DEPTOR: variants seen among roughly 807,000 people sequenced by gnomAD.
The protein encoded by DEPTOR is DEP domain-containing mTOR-interacting protein.
DEPTOR carries 41 observed loss-of-function variants against 41.6 expected under a neutral mutation model. The ratio of observed to expected loss-of-function variants is 0.98; its 90% CI spans 0.77 to 1.28. The LOEUF (loss-of-function observed/expected upper bound fraction) is 1.28, where lower values mean the gene tolerates loss of function less well. Ranked by LOEUF, DEPTOR falls within the 50% of genes most tolerant of loss-of-function variation. The pLI is 0.00. For synonymous variants in DEPTOR, 195 were observed against 192.3 expected, an observed-to-expected ratio of 1.01 and a Z score of -0.12; for missense variants, 514 against 527.9, an observed-to-expected ratio of 0.97 and a Z score of 0.26.
At chr8:119,921,229 G>A (rs1237789733) in intron 1 of DEPTOR, among the ~76,000 whole-genome samples, 1 of 152,092 alleles carries the variant, frequency 6.6e-6, no homozygotes, top group Non-Finnish European at 1.5e-5. Context: ...CACCAGCCTC[G>A]GCCTCCCAAA....
At chr8:119,992,088 G>A (rs925199827) in intron 4 of DEPTOR, among the ~76,000 whole-genome samples, 1 of 152,190 alleles carries the variant, frequency 6.6e-6, no homozygotes, top group African/African-American at 2.4e-5. Context: ...ATTTATCCTT[G>A]CAGTTTATCT....
intron 8 of DEPTOR, among the ~76,000 whole-genome samples, chr8:120,015,838 C>T (rs1003050811): frequency 7.9e-5 from 12 of 152,124 alleles, no homozygotes; most frequent in Admixed American, 5.9e-4. Flanking sequence ...ATGTCATTCA[C>T]GTAGCCCGAA....
chr8:120,009,970 T>G (rs549502827), intron 8 of DEPTOR, among the ~76,000 whole-genome samples: 1 of 152,334 alleles, frequency 6.6e-6, no homozygotes, highest in South Asian at 2.1e-4. Context: ...TTCTATTCTA[T>G]GCAAGGTGTA....
At chr8:120,037,211 A>G (rs1563599553) in intron 8 of DEPTOR, among the ~76,000 whole-genome samples, 3 of 152,370 alleles carry the variant, frequency 2.0e-5, no homozygotes, top group Middle Eastern at 3.4e-3. Context: ...ATTCAGTGGT[A>G]GTAAACACTG....
At chr8:120,046,961 G>C (rs1199101997) in intron 8 of DEPTOR, among the ~76,000 whole-genome samples, 1 of 152,166 alleles carries the variant, frequency 6.6e-6, no homozygotes, top group Non-Finnish European at 1.5e-5. Flanking sequence ...TGGCCACATG[G>C]CCATCTACAC....
chr8:119,890,950 T>C (rs1427689573), intron 1 of DEPTOR, among the ~76,000 whole-genome samples: 2 of 152,166 alleles, frequency 1.3e-5, no homozygotes, highest in South Asian at 2.1e-4. Context: ...AAAAGACATA[T>C]GCATTTAGGT....
At chr8:119,985,074 G>A (rs1828812637) in intron 4 of DEPTOR, among the ~76,000 whole-genome samples, 1 of 152,200 alleles carries the variant, frequency 6.6e-6, no homozygotes. Flanking sequence ...TTGGGAGGCT[G>A]AGGCAGGAGA....
intron 5 of DEPTOR, among the ~76,000 whole-genome samples, 187 bp from the exon 6 acceptor site, chr8:120,002,790 A>T (rs1812369979): frequency 1.0e-5 from 1 of 100,158 alleles, no homozygotes; most frequent in Non-Finnish European, 1.9e-5. Context: ...AAAAAAAAAA[A>T]AATATATATA....
chr8:119,997,888 T>C (rs937335461), intron 4 of DEPTOR, among the ~76,000 whole-genome samples: 5 of 152,220 alleles, frequency 3.3e-5, no homozygotes, highest in Admixed American at 3.3e-4. Flanking sequence ...GTTAATATGA[T>C]TCTTAATGGG....
rs1827193111 is a variant in DEPTOR, at chr8:119,873,757, C to T, written c.-90C>T. On this transcript the variant is annotated 5_prime_UTR_variant, in exon 1 of 9. Transcript: ENST00000286234. ...GCGGAGCTGCCCCGAACAAAGATGG[C>T]GCGGGAAGCGTCTGTGAGGGCAGAC... 4 of 1,543,550 alleles carry T rather than the reference C, an allele frequency of 2.6e-6. No individual in the cohort carries two copies. Among genetic ancestry groups the T allele is most frequent in the Admixed American group, 2.0e-5 (1 of 50,794 alleles).
rs952141766 is a variant in DEPTOR at position 119,944,436 on chromosome 8, C to T, written c.425+14498C>T. 2.6e-5 allele frequency among the ~76,000 whole-genome samples: 4 copies of T among 152,120 alleles called. No homozygotes were observed. In the East Asian group the frequency reaches 7.7e-4, roughly 29 times the overall value. On this transcript the variant is annotated intron_variant, in intron 3 of 8. Coordinates refer to ENST00000286234, the MANE Select transcript of DEPTOR (RefSeq NM_022783.4). Reference sequence around the variant, plus strand: ...GATTATAATGAATTATTTTGACATCCTTCCTCTTTGCTTCTGTATCACCTT... The same window carrying T: ...GATTATAATGAATTATTTTGACATCTTTCCTCTTTGCTTCTGTATCACCTT...
intron 4 of DEPTOR, among the ~76,000 whole-genome samples, chr8:119,974,979 G>C (rs1828679627): frequency 6.6e-6 from 1 of 151,870 alleles, no homozygotes; most frequent in Non-Finnish European, 1.5e-5. Context: ...TTCTGTTCCT[G>C]GTGCAGAGAG....
At chr8:119,980,593 C>T (rs915214264) in intron 4 of DEPTOR, among the ~76,000 whole-genome samples, 1 of 150,968 alleles carries the variant, frequency 6.6e-6, no homozygotes, top group Non-Finnish European at 1.5e-5. Flanking sequence ...TCTCGGCTCA[C>T]TGCAACCTCC....
At chr8:119,995,596 AAAAAAAGAAAAG>A (rs1458479946) in intron 4 of DEPTOR, among the ~76,000 whole-genome samples, 1 of 151,996 alleles carries the variant, frequency 6.6e-6, no homozygotes, top group Non-Finnish European at 1.5e-5. Flanking sequence ...CTCAAAAAAA[AAAAAAAGAAAAG>A]AAAAGAAAAA....
At chr8:119,920,473 G>GA (rs1420970776) in intron 1 of DEPTOR, among the ~76,000 whole-genome samples, 2 of 152,192 alleles carry the variant, frequency 1.3e-5, no homozygotes, top group Non-Finnish European at 2.9e-5. Flanking sequence ...GTTCACAGAG[G>GA]AGGTGCCCTT....
At chr8:119,918,969 GTGTA>G (rs1827855767) in intron 1 of DEPTOR, among the ~76,000 whole-genome samples, 1 of 150,874 alleles carries the variant, frequency 6.6e-6, no homozygotes, top group African/African-American at 2.4e-5. Flanking sequence ...GTGTGTGTAT[GTGTA>G]TGTGTGTGTG....
intron 8 of DEPTOR, among the ~76,000 whole-genome samples, chr8:120,035,856 G>A (rs1032055591): frequency 5.3e-5 from 8 of 152,138 alleles, no homozygotes; most frequent in Non-Finnish European, 1.2e-4. Context: ...TTCTTATAAC[G>A]TTCAGAAACC....
intron 4 of DEPTOR, among the ~76,000 whole-genome samples, chr8:119,966,405 A>C (rs1272002404): frequency 6.6e-6 from 1 of 152,230 alleles, no homozygotes; most frequent in African/African-American, 2.4e-5. Flanking sequence ...GGATGTGCGT[A>C]GGTTATACAT....
chr8:120,001,357 G>A (rs1812347412), intron 4 of DEPTOR, among the ~76,000 whole-genome samples, 168 bp from the exon 5 acceptor site: 1 of 152,114 alleles, frequency 6.6e-6, no homozygotes, highest in African/African-American at 2.4e-5. Flanking sequence ...CATGTCACGT[G>A]GAAAGAACTT....
Sources: gnomAD v4.1 joint callset for allele counts (sites outside exome capture counted in the v4.1 genomes callset) on GRCh38, gnomAD v4.1.1 for gene constraint, MANE v1.5 for transcripts, NCBI Gene and HGNC (gene_info 2026-07-23, HGNC 2026-07-21) for gene names.